ADAMTS12: variants seen among roughly 807,000 people sequenced by gnomAD.
ADAMTS12 encodes the protein A disintegrin and metalloproteinase with thrombospondin motifs 12.
A neutral mutation model predicts 167.8 loss-of-function variants in ADAMTS12; 118 were observed. The ratio of observed to expected loss-of-function variants is 0.70; its 90% CI spans 0.61 to 0.82. The LOEUF (loss-of-function observed/expected upper bound fraction) is 0.82. Among genes scored for constraint, ADAMTS12 ranks in the 40% least tolerant of loss-of-function variants. The probability of loss-of-function intolerance (pLI) is 0.00; values close to 1 mark genes in which losing one functional copy is unlikely to be tolerated. For synonymous variants in ADAMTS12, 704 were observed against 716.9 expected, an observed-to-expected ratio of 0.98 and a Z score of 0.29; for missense variants, 1,916 against 1,998.8, an observed-to-expected ratio of 0.96 and a Z score of 0.79.
chr5:33,849,437 A>AATATATATATGTATTGCACAGCAAT (rs1561306743), intron 2 of ADAMTS12, among the ~76,000 whole-genome samples: 19 of 71,924 alleles, frequency 2.6e-4, no homozygotes, highest in South Asian at 1.6e-3. Flanking sequence ...ATTGAATAGC[A>AATATATATATGTATTGCACAGCAAT]ATATATATAT....
chr5:33,532,785 T>C (rs1705956980), intron 23 of ADAMTS12, among the ~76,000 whole-genome samples: 1 of 152,220 alleles, frequency 6.6e-6, no homozygotes, highest in African/African-American at 2.4e-5. Flanking sequence ...CTAAACCTTA[T>C]ATGAATTCAT....
At chr5:33,874,056 G>A (rs1238471439) in intron 2 of ADAMTS12, among the ~76,000 whole-genome samples, 1 of 152,074 alleles carries the variant, frequency 6.6e-6, no homozygotes, top group Non-Finnish European at 1.5e-5. Context: ...AATTACCCAT[G>A]AAAGAAATAA....
At chr5:33,716,193 G>GC (rs1037297345) in intron 3 of ADAMTS12, among the ~76,000 whole-genome samples, 10 of 152,020 alleles carry the variant, frequency 6.6e-5, no homozygotes. Flanking sequence ...GCTTGTTTGT[G>GC]CCTTCTACCA....
chr5:33,594,440 A>C (rs901718495), intron 17 of ADAMTS12, among the ~76,000 whole-genome samples: 2 of 152,178 alleles, frequency 1.3e-5, no homozygotes, highest in East Asian at 1.9e-4. Flanking sequence ...TTATACCTGT[A>C]TGTATTATAT....
intron 2 of ADAMTS12, among the ~76,000 whole-genome samples, chr5:33,758,635 T>C (rs1394766904): frequency 6.6e-6 from 1 of 151,960 alleles, no homozygotes; most frequent in African/African-American, 2.4e-5. Flanking sequence ...AGGAGGAAGG[T>C]GTGAACCAAT....
At chr5:33,816,357 T>G (rs1747653447) in intron 2 of ADAMTS12, among the ~76,000 whole-genome samples, 1 of 152,202 alleles carries the variant, frequency 6.6e-6, no homozygotes, top group African/African-American at 2.4e-5. Flanking sequence ...AATTTTGAAA[T>G]GTACAATACT....
At chr5:33,809,810 A>G (rs1332421394) in intron 2 of ADAMTS12, among the ~76,000 whole-genome samples, 1 of 152,042 alleles carries the variant, frequency 6.6e-6, no homozygotes, top group Non-Finnish European at 1.5e-5. Flanking sequence ...ACATTTTAGT[A>G]AAGACGTGGA....
intron 2 of ADAMTS12, among the ~76,000 whole-genome samples, chr5:33,791,866 T>TC (rs5867213): frequency 0.21 from 31,993 of 151,630 alleles, 4,541 homozygotes; most frequent in East Asian, 0.4. Context: ...CTAACTCAGA[T>TC]CCTATACTCC....
Position 33,814,254 on chromosome 5 carries a change from G to C in ADAMTS12, c.490-62706C>G, listed in dbSNP as rs1031602926. Among the ~76,000 whole-genome samples, 8 of 152,086 alleles carry C rather than the reference G, an allele frequency of 5.3e-5. 1 individual carries two copies. Among genetic ancestry groups the C allele is most frequent in the Admixed American group, 2.6e-4 (4 of 15,264 alleles). On this transcript the variant is annotated intron_variant, in intron 2 of 23. Transcript: ENST00000504830. ...TATACTAAAACCTGAAATTCATCTG[G>C]AACTGATTTTGCTTATGATATGAGA...
intron 2 of ADAMTS12, among the ~76,000 whole-genome samples, chr5:33,776,556 T>C (rs1431962189): frequency 3.3e-5 from 5 of 152,040 alleles, no homozygotes; most frequent in African/African-American, 7.2e-5. Context: ...CCAAAACTTA[T>C]GGAACGCAGC....
chr5:33,808,089 G>C (rs1561282885), intron 2 of ADAMTS12, among the ~76,000 whole-genome samples: 1 of 152,186 alleles, frequency 6.6e-6, no homozygotes, highest in Non-Finnish European at 1.5e-5. Flanking sequence ...AGAAACAACG[G>C]GATCAAAGGC....
Position 33,615,567 on chromosome 5 carries a change from C to T in ADAMTS12, c.2388+261G>A, listed in dbSNP as rs376771006. On this transcript the variant is annotated intron_variant, in intron 15 of 23. Transcript: ENST00000504830. ...AATAGACTTCAGGAACAATCACCCTCAATTAAATCAGCCCAGAAGCTGAAC... is the reference window on the plus strand; with the variant it reads ...AATAGACTTCAGGAACAATCACCCTTAATTAAATCAGCCCAGAAGCTGAAC... Among the ~76,000 whole-genome samples the T allele has an allele frequency of 5.9e-5, 9 of 152,288 alleles. No homozygotes were observed. In the East Asian group the frequency reaches 1.4e-3, roughly 23 times the overall value.
At chr5:33,745,784 T>A (rs894962738) in intron 3 of ADAMTS12, among the ~76,000 whole-genome samples, 6 of 152,182 alleles carry the variant, frequency 3.9e-5, no homozygotes, top group African/African-American at 1.4e-4. Flanking sequence ...ACAGAGAAAT[T>A]GTGCTGAGGC....
chr5:33,592,522 T>A (rs1747694706), intron 17 of ADAMTS12, among the ~76,000 whole-genome samples: 1 of 152,170 alleles, frequency 6.6e-6, no homozygotes, highest in East Asian at 1.9e-4. Context: ...GAGAAGGGAC[T>A]CAAATAACCT....
chr5:33,792,217 A>G (rs1746602316), intron 2 of ADAMTS12, among the ~76,000 whole-genome samples: 1 of 152,040 alleles, frequency 6.6e-6, no homozygotes, highest in Non-Finnish European at 1.5e-5. Flanking sequence ...GCTGGTCTCG[A>G]ACTCCTGACC....
At chr5:33,662,299 C>T (rs775262226) in intron 5 of ADAMTS12, among the ~76,000 whole-genome samples, 13 of 152,186 alleles carry the variant, frequency 8.5e-5, no homozygotes, top group Non-Finnish European at 1.3e-4. Context: ...GGACAAGCAG[C>T]CCTTGAAGAA....
At chr5:33,747,147 G>C (rs566108698) in intron 3 of ADAMTS12, among the ~76,000 whole-genome samples, 82 of 152,252 alleles carry the variant, frequency 5.4e-4, no homozygotes, top group African/African-American at 2.0e-3. Flanking sequence ...AGGACTCATA[G>C]GGTTAAAAGT....
intron 2 of ADAMTS12, among the ~76,000 whole-genome samples, chr5:33,858,671 GA>G (rs1170278339): frequency 8.2e-5 from 7 of 85,024 alleles, no homozygotes; most frequent in Admixed American, 5.0e-4. Flanking sequence ...AAAAAAAAAA[GA>G]AAAGAAAAAA....
chr5:33,786,550 G>A (rs371481757), intron 2 of ADAMTS12, among the ~76,000 whole-genome samples: 7 of 151,712 alleles, frequency 4.6e-5, no homozygotes, highest in Non-Finnish European at 7.4e-5. Flanking sequence ...GAGGCTGTAC[G>A]TACTTTGCAA....
Sources: gnomAD v4.1 joint callset for allele counts (sites outside exome capture counted in the v4.1 genomes callset) on GRCh38, gnomAD v4.1.1 for gene constraint, MANE v1.5 for transcripts, NCBI Gene and HGNC (gene_info 2026-07-23, HGNC 2026-07-21) for gene names.